Variants in ZNF804B observed in about 807,000 individuals in gnomAD.
ZNF804B encodes the protein zinc finger protein 804B.
A neutral mutation model predicts 101.4 loss-of-function variants in ZNF804B; 80 were observed. The ratio of observed to expected loss-of-function variants is 0.79; its 90% CI spans 0.66 to 0.95. The LOEUF (loss-of-function observed/expected upper bound fraction) is 0.95, where lower values mean the gene tolerates loss of function less well. Among genes scored for constraint, ZNF804B ranks in the 40% least tolerant of loss-of-function variants. ZNF804B has a pLI of 0.00. For synonymous variants in ZNF804B, 622 were observed against 558.8 expected, an observed-to-expected ratio of 1.11 and a Z score of -1.59; for missense variants, 1,673 against 1,561.9, an observed-to-expected ratio of 1.07 and a Z score of -1.20.
Position 89,333,755 on chromosome 7 carries a change from A to G in ZNF804B, c.773A>G (p.Gln258Arg), listed in dbSNP as rs772992744. 1.9e-6 allele frequency: 3 copies of G among 1,613,642 alleles called. No individual in the cohort carries two copies. In the East Asian group the frequency reaches 6.7e-5, roughly 36 times the overall value. ...AAGTCACCCATTTATAAAACAAAACAAACTGCAGATAAGTGCAAGTGCTGC... is the reference window on the plus strand; with the variant it reads ...AAGTCACCCATTTATAAAACAAAACGAACTGCAGATAAGTGCAAGTGCTGC... ...CNKSPIYKTK[Q>R]TADKCKCCRF... Residue 258 changes from glutamine to arginine, a missense_variant, in exon 4 of 4, where the codon CAA becomes CGA. Transcript: ENST00000333190.
intron 1 of ZNF804B, among the ~76,000 whole-genome samples, chr7:88,882,617 C>T (rs1013453920): frequency 6.6e-6 from 1 of 152,126 alleles, no homozygotes; most frequent in Non-Finnish European, 1.5e-5. Context: ...GACAAGAAAT[C>T]AACCCAGGTG....
Position 88,759,955 on chromosome 7 carries a change from C to A in ZNF804B, c.-22C>A. The A allele has an allele frequency of 1.2e-6, 2 of 1,610,080 alleles. No individual in the cohort carries two copies. The highest frequency in any genetic ancestry group is 3.3e-5 in the Admixed American group (2 of 59,998). ...GGTCGCCTGGTGAGGAGTTGAGACT[C>A]TGCGCCTCCGCCCGGACCCACATGG... On this transcript the variant is annotated 5_prime_UTR_variant, in exon 1 of 4. In the 5' UTR this introduces an upstream ATG that the reference lacks. Coordinates refer to ENST00000333190, the MANE Select transcript of ZNF804B (RefSeq NM_181646.5).
At chr7:89,036,531 A>G (rs1788930873) in intron 1 of ZNF804B, among the ~76,000 whole-genome samples, 1 of 152,092 alleles carries the variant, frequency 6.6e-6, no homozygotes, top group South Asian at 2.1e-4. Context: ...ATTAGTTAAT[A>G]TGATTTTTAT....
chr7:88,976,351 T>A (rs969665952), intron 1 of ZNF804B, among the ~76,000 whole-genome samples: 3 of 151,642 alleles, frequency 2.0e-5, no homozygotes, highest in Non-Finnish European at 4.4e-5. Flanking sequence ...AGTATTGATA[T>A]TTTTAACAAT....
At chr7:89,198,399 T>C (rs1384927496) in intron 1 of ZNF804B, among the ~76,000 whole-genome samples, 1 of 151,968 alleles carries the variant, frequency 6.6e-6, no homozygotes, top group African/African-American at 2.4e-5. Context: ...TCACTATTTA[T>C]GTTTACAATA....
chr7:88,851,456 T>C (rs573561179), intron 1 of ZNF804B, among the ~76,000 whole-genome samples: 1 of 152,142 alleles, frequency 6.6e-6, no homozygotes, highest in African/African-American at 2.4e-5. Flanking sequence ...CAATGCAAGC[T>C]AAAAGACAGT....
At chr7:89,128,762 A>T (rs1019913811) in intron 1 of ZNF804B, among the ~76,000 whole-genome samples, 8 of 152,066 alleles carry the variant, frequency 5.3e-5, no homozygotes, top group African/African-American at 1.4e-4. Context: ...CTAAATCACT[A>T]TCTTTGCATT....
chr7:88,793,371 A>G (rs1309265347), intron 1 of ZNF804B, among the ~76,000 whole-genome samples: 2 of 152,098 alleles, frequency 1.3e-5, no homozygotes, highest in Non-Finnish European at 2.9e-5. Flanking sequence ...GTGGGCAGAT[A>G]ATGTTTTCTG....
At chr7:89,029,824 TG>T (rs1788803453) in intron 1 of ZNF804B, among the ~76,000 whole-genome samples, 1 of 152,150 alleles carries the variant, frequency 6.6e-6, no homozygotes, top group Admixed American at 6.6e-5. Flanking sequence ...GAAGCTGGAA[TG>T]GGGGCTGCTG....
chr7:88,902,105 C>T (rs760021042), intron 1 of ZNF804B, among the ~76,000 whole-genome samples: 5 of 151,834 alleles, frequency 3.3e-5, no homozygotes, highest in African/African-American at 4.8e-5. Context: ...GCTCTAAACC[C>T]GATACACTTT....
chr7:88,760,680 C>T (rs963532469), intron 1 of ZNF804B, among the ~76,000 whole-genome samples: 1 of 151,776 alleles, frequency 6.6e-6, no homozygotes, highest in East Asian at 1.9e-4. Context: ...TATTAACATG[C>T]AATTAACGTG....
chr7:89,144,749 G>T (rs1335100783), intron 1 of ZNF804B, among the ~76,000 whole-genome samples: 1 of 151,960 alleles, frequency 6.6e-6, no homozygotes, highest in Non-Finnish European at 1.5e-5. Flanking sequence ...TAATTAGCTT[G>T]ATTTAATCAT....
chr7:88,803,565 G>T (rs1790640733), intron 1 of ZNF804B, among the ~76,000 whole-genome samples: 1 of 152,094 alleles, frequency 6.6e-6, no homozygotes, highest in African/African-American at 2.4e-5. Context: ...GGATATGGGA[G>T]GTTAGGAATG....
chr7:88,765,945 A>G (rs1386054687), intron 1 of ZNF804B, among the ~76,000 whole-genome samples: 3 of 152,168 alleles, frequency 2.0e-5, no homozygotes. Context: ...TTTCTACCTT[A>G]GACAGCATTT....
At chr7:88,887,982 A>T (rs1792157731) in intron 1 of ZNF804B, among the ~76,000 whole-genome samples, 1 of 152,186 alleles carries the variant, frequency 6.6e-6, no homozygotes, top group Non-Finnish European at 1.5e-5. Context: ...AGTGCTAGTA[A>T]TACATATTGT....
At chr7:89,032,847 T>C (rs1328445995) in intron 1 of ZNF804B, among the ~76,000 whole-genome samples, 1 of 152,116 alleles carries the variant, frequency 6.6e-6, no homozygotes, top group African/African-American at 2.4e-5. Context: ...CATATATTTA[T>C]GGCATACAAG....
intron 1 of ZNF804B, among the ~76,000 whole-genome samples, chr7:89,025,280 CAT>C (rs1788732240): frequency 6.6e-6 from 1 of 151,994 alleles, no homozygotes; most frequent in African/African-American, 2.4e-5. Flanking sequence ...TATTGAATGA[CAT>C]AAGTTTTGTT....
intron 1 of ZNF804B, among the ~76,000 whole-genome samples, chr7:89,158,640 A>G (rs1791013519): frequency 6.6e-6 from 1 of 152,138 alleles, no homozygotes; most frequent in South Asian, 2.1e-4. Context: ...TTCTCGATGA[A>G]TTATAGTTTA....
At chr7:88,823,408 A>C (rs1791011703) in intron 1 of ZNF804B, among the ~76,000 whole-genome samples, 1 of 152,174 alleles carries the variant, frequency 6.6e-6, no homozygotes, top group African/African-American at 2.4e-5. Flanking sequence ...ACTTAGATGT[A>C]CTTGAGATTC....
Sources: allele counts gnomAD v4.1 joint callset (sites outside exome capture counted in the v4.1 genomes callset), GRCh38; gene constraint gnomAD v4.1.1; transcripts MANE v1.5; gene names NCBI Gene and HGNC (gene_info 2026-07-23, HGNC 2026-07-21).